FBXL7: variants seen among roughly 807,000 people sequenced by gnomAD.
The protein encoded by FBXL7 is F-box and leucine rich repeat protein 7, also known as F-box/LRR-repeat protein 7.
A neutral mutation model predicts 38.3 loss-of-function variants in FBXL7; 12 were observed. That is an observed-to-expected ratio of 0.31 (90% CI 0.20 to 0.51). The LOEUF (loss-of-function observed/expected upper bound fraction) is 0.51, where lower values mean the gene tolerates loss of function less well. FBXL7 is among the 20% of genes least tolerant of loss of function. The pLI is 0.98. For synonymous variants in FBXL7, 297 were observed against 300.9 expected, an observed-to-expected ratio of 0.99 and a Z score of 0.13; for missense variants, 567 against 676.4, an observed-to-expected ratio of 0.84 and a Z score of 1.79.
At chr5:15,696,448 T>A (rs1446070973) in intron 2 of FBXL7, among the ~76,000 whole-genome samples, 3 of 152,226 alleles carry the variant, frequency 2.0e-5, no homozygotes, top group African/African-American at 7.2e-5. Flanking sequence ...CCTGTTTTTT[T>A]ATTTTTTAAT....
intron 2 of FBXL7, among the ~76,000 whole-genome samples, chr5:15,639,289 G>C (rs1741280937): frequency 6.6e-6 from 1 of 152,174 alleles, no homozygotes; most frequent in African/African-American, 2.4e-5. Flanking sequence ...GTTTGGCTCT[G>C]TGTCCCCACC....
At chr5:15,867,560 C>T (rs183092218) in intron 2 of FBXL7, among the ~76,000 whole-genome samples, 1 of 152,288 alleles carries the variant, frequency 6.6e-6, no homozygotes, top group East Asian at 1.9e-4. Flanking sequence ...ATAATGGCCC[C>T]CAAAGTGTCT....
At chr5:15,810,518 G>A (rs943277642) in intron 2 of FBXL7, among the ~76,000 whole-genome samples, 2 of 149,954 alleles carry the variant, frequency 1.3e-5, no homozygotes, top group African/African-American at 4.9e-5. Context: ...CCAAGATCCT[G>A]CCATTGCACT....
intron 1 of FBXL7, among the ~76,000 whole-genome samples, chr5:15,575,409 G>GA (rs1182326930): frequency 6.6e-6 from 1 of 152,136 alleles, no homozygotes; most frequent in Non-Finnish European, 1.5e-5. Context: ...ACAGGGAATT[G>GA]AAAATCACAC....
At chr5:15,691,092 T>C (rs868163382) in intron 2 of FBXL7, among the ~76,000 whole-genome samples, 1 of 152,190 alleles carries the variant, frequency 6.6e-6, no homozygotes, top group African/African-American at 2.4e-5. Flanking sequence ...TTCCTATCTG[T>C]TGGTGTCACC....
intron 2 of FBXL7, among the ~76,000 whole-genome samples, chr5:15,876,421 C>T (rs1191150500): frequency 2.0e-5 from 3 of 151,788 alleles, no homozygotes; most frequent in African/African-American, 7.3e-5. Flanking sequence ...AAGGTGTTCC[C>T]ATTATTTTAA....
At chr5:15,892,539 G>A (rs767118043) in intron 2 of FBXL7, among the ~76,000 whole-genome samples, 21 of 152,298 alleles carry the variant, frequency 1.4e-4, no homozygotes, top group Non-Finnish European at 2.4e-4. Flanking sequence ...GAGGTTATGA[G>A]CAGGGTTGAT....
chr5:15,719,990 A>G (rs1744149651), intron 2 of FBXL7, among the ~76,000 whole-genome samples: 1 of 148,906 alleles, frequency 6.7e-6, no homozygotes, highest in African/African-American at 2.5e-5. Flanking sequence ...TAGCTACTGC[A>G]TCCTGTCTGT....
At chr5:15,748,444 G>GT (rs1210488924) in intron 2 of FBXL7, among the ~76,000 whole-genome samples, 1 of 152,176 alleles carries the variant, frequency 6.6e-6, no homozygotes, top group East Asian at 1.9e-4. Flanking sequence ...AATCATAGGG[G>GT]TTTCCCCCAT....
At chr5:15,801,633 C>CTGTGTGTG (rs1561131619) in intron 2 of FBXL7, among the ~76,000 whole-genome samples, 1 of 117,328 alleles carries the variant, frequency 8.5e-6, no homozygotes, top group Non-Finnish European at 1.7e-5. Flanking sequence ...AAGGGGGAGT[C>CTGTGTGTG]AGTGTGTGTG....
chr5:15,880,811 C>T (rs1296053610), intron 2 of FBXL7, among the ~76,000 whole-genome samples: 1 of 149,080 alleles, frequency 6.7e-6, no homozygotes, highest in African/African-American at 2.5e-5. Flanking sequence ...TATTCAATAG[C>T]AAAAAACTAA....
chr5:15,671,678 C>T (rs1742482279), intron 2 of FBXL7, among the ~76,000 whole-genome samples: 1 of 152,170 alleles, frequency 6.6e-6, no homozygotes, highest in African/African-American at 2.4e-5. Context: ...TGGTTATGAT[C>T]AATGACTATG....
intron 2 of FBXL7, among the ~76,000 whole-genome samples, chr5:15,870,421 G>A (rs1739904191): frequency 6.6e-6 from 1 of 152,130 alleles, no homozygotes; most frequent in Non-Finnish European, 1.5e-5. Context: ...AGGGAGAATG[G>A]AGAAACAAAT....
At chr5:15,799,356 C>CTTTTTTTTTTTTTTTTTTTTTTTTTTTTT (rs34953272) in intron 2 of FBXL7, among the ~76,000 whole-genome samples, 1 of 90,876 alleles carries the variant, frequency 1.1e-5, no homozygotes, top group Non-Finnish European at 2.0e-5. Context: ...AAACCCCTCC[C>CTTTTTTTTTTTTTTTTTTTTTTTTTTTTT]TTTTTTTTTT....
chr5:15,836,925 T>C (rs1738607379), intron 2 of FBXL7, among the ~76,000 whole-genome samples: 1 of 152,206 alleles, frequency 6.6e-6, no homozygotes. Context: ...AAGACCCCTC[T>C]TGTTAGCTGT....
intron 2 of FBXL7, among the ~76,000 whole-genome samples, chr5:15,731,724 C>CTT (rs1217690988): frequency 6.6e-6 from 1 of 151,990 alleles, no homozygotes; most frequent in Non-Finnish European, 1.5e-5. Flanking sequence ...CATGGATTAC[C>CTT]TTTTCATGCC....
intron 2 of FBXL7, among the ~76,000 whole-genome samples, chr5:15,740,940 A>G (rs74353043): frequency 5.9e-4 from 90 of 152,346 alleles, no homozygotes; most frequent in African/African-American, 2.1e-3. Context: ...TTTATATGAC[A>G]TAAAGAATGT....
chr5:15,747,517 C>G (rs1485406592), intron 2 of FBXL7, among the ~76,000 whole-genome samples: 5 of 152,156 alleles, frequency 3.3e-5, no homozygotes, highest in Non-Finnish European at 5.9e-5. Context: ...ACCACACCAA[C>G]CATTTCTGTG....
chr5:15,753,755 T>G (rs1318946827), intron 2 of FBXL7, among the ~76,000 whole-genome samples: 1 of 152,224 alleles, frequency 6.6e-6, no homozygotes, highest in African/African-American at 2.4e-5. Flanking sequence ...GAAGTAAAAA[T>G]AATGGAATTA....
Sources: allele counts gnomAD v4.1 joint callset (sites outside exome capture counted in the v4.1 genomes callset), GRCh38; gene constraint gnomAD v4.1.1; transcripts MANE v1.5; gene names NCBI Gene and HGNC (gene_info 2026-07-23, HGNC 2026-07-21).